Variants in THEMIS observed in about 807,000 individuals in gnomAD.
THEMIS encodes the protein thymocyte selection associated, also known as protein THEMIS.
A neutral mutation model predicts 52.6 loss-of-function variants in THEMIS; 37 were observed. That is an observed-to-expected ratio of 0.70 (90% CI 0.54 to 0.93). The LOEUF is 0.93. Ranked by LOEUF, THEMIS falls within the 40% of genes least tolerant of loss-of-function variation. The pLI, the probability that THEMIS is intolerant of heterozygous loss-of-function variation, is 0.00. For synonymous variants in THEMIS, 292 were observed against 272.7 expected (o/e 1.07, Z -0.70); for missense variants, 808 against 763.1 (o/e 1.06, Z -0.69).
rs111727278 is a variant in THEMIS, at chr6:127,899,903, T to TTATATA, written c.91+933_91+938dup. ...ACCTGCAAGTATGTGTGTGTATATT[T>TTATATA]TATATATATATATATATATATAATA... On this transcript the variant is annotated intron_variant, in intron 1 of 5. Coordinates refer to ENST00000368248, the MANE Select transcript of THEMIS (RefSeq NM_001010923.3). Among the ~76,000 whole-genome samples, 812 of 144,516 alleles carry TTATATA rather than the reference T, an allele frequency of 5.6e-3. 5 individuals are homozygous for TTATATA. The highest frequency in any genetic ancestry group is 0.019 in the African/African-American group (750 of 39,780). 94.8% of individuals were successfully genotyped at this position (144,516 alleles called of 152,430 possible). A position where few individuals can be genotyped will look rare whatever the true frequency, so the allele number is the denominator to read the frequency against.
At chr6:127,772,644 T>G (rs1193842611) in intron 4 of THEMIS, among the ~76,000 whole-genome samples, 1 of 152,096 alleles carries the variant, frequency 6.6e-6, no homozygotes, top group African/African-American at 2.4e-5. Context: ...CATATCTTCT[T>G]GTTTCTGTCT....
chr6:127,721,838 G>A (rs1774373133), intron 4 of THEMIS, among the ~76,000 whole-genome samples: 1 of 151,980 alleles, frequency 6.6e-6, no homozygotes, highest in African/African-American at 2.4e-5. Flanking sequence ...TCAGAACTGA[G>A]CAATGCAATA....
At chr6:127,746,573 T>C (rs1489319185) in intron 4 of THEMIS, among the ~76,000 whole-genome samples, 1 of 148,284 alleles carries the variant, frequency 6.7e-6, no homozygotes, top group Non-Finnish European at 1.5e-5. Context: ...TGCTAAAAGA[T>C]TTAACAAGGG....
chr6:127,795,623 C>T (rs528605604), intron 4 of THEMIS, among the ~76,000 whole-genome samples: 3 of 152,240 alleles, frequency 2.0e-5, no homozygotes, highest in East Asian at 1.9e-4. Flanking sequence ...CCACCGCGCC[C>T]GGCCACCAGA....
At chr6:127,764,069 A>G (rs752189742) in intron 4 of THEMIS, among the ~76,000 whole-genome samples, 5 of 152,014 alleles carry the variant, frequency 3.3e-5, no homozygotes, top group Non-Finnish European at 7.4e-5. Flanking sequence ...AAGTTTAGAA[A>G]GAAAGACACA....
intron 5 of THEMIS, among the ~76,000 whole-genome samples, chr6:127,711,654 A>C (rs1013682724): frequency 1.3e-5 from 2 of 152,022 alleles, no homozygotes; most frequent in African/African-American, 4.8e-5. Flanking sequence ...ATACTGTAGA[A>C]TATACATTTT....
chr6:127,710,943 TTCCCTCCC>T (rs368670307), intron 5 of THEMIS, among the ~76,000 whole-genome samples: 6 of 141,908 alleles, frequency 4.2e-5, no homozygotes, highest in African/African-American at 1.6e-4. Flanking sequence ...CCCTCCCTCC[TTCCCTCCC>T]TCCCTCCCTT....
At chr6:127,716,900 T>C (rs1354953484) in intron 5 of THEMIS, among the ~76,000 whole-genome samples, 3 of 151,856 alleles carry the variant, frequency 2.0e-5, no homozygotes, top group African/African-American at 7.3e-5. Context: ...CTCTGAGGAA[T>C]CAGTGACATC....
chr6:127,826,944 T>TA (rs1218087277), intron 3 of THEMIS, among the ~76,000 whole-genome samples: 1 of 152,130 alleles, frequency 6.6e-6, no homozygotes, highest in African/African-American at 2.4e-5. Context: ...TTTTTATTTT[T>TA]TTTTTGAAGC....
chr6:127,911,770 T>C (rs766125732), intron 1 of THEMIS, among the ~76,000 whole-genome samples: 25 of 151,370 alleles, frequency 1.7e-4, no homozygotes, highest in Non-Finnish European at 2.8e-4. Flanking sequence ...AAGTTTACCG[T>C]GGAGGCAGAA....
intron 2 of THEMIS, among the ~76,000 whole-genome samples, chr6:127,843,153 TTC>T (rs1779106047): frequency 6.6e-6 from 1 of 152,040 alleles, no homozygotes; most frequent in Non-Finnish European, 1.5e-5. Context: ...ATCTAAAAAT[TTC>T]TGTTTCCTCT....
intron 1 of THEMIS, among the ~76,000 whole-genome samples, chr6:127,886,789 G>T (rs1202607231): frequency 6.6e-6 from 1 of 152,046 alleles, no homozygotes; most frequent in African/African-American, 2.4e-5. Context: ...GCTCATGTTT[G>T]GTTTCTCCTG....
chr6:127,859,900 C>T (rs1466755935), intron 1 of THEMIS, among the ~76,000 whole-genome samples: 1 of 152,000 alleles, frequency 6.6e-6, no homozygotes, highest in Non-Finnish European at 1.5e-5. Context: ...TGCAACTTTG[C>T]TCATTATAAA....
upstream of THEMIS, among the ~76,000 whole-genome samples, chr6:127,902,332 A>AT (rs574575076): frequency 2.7e-5 from 4 of 149,684 alleles, no homozygotes; most frequent in Non-Finnish European, 6.0e-5. Context: ...CTCAAAAAAA[A>AT]AAAAAAAAAA....
At chr6:127,810,179 A>G (rs1777853566) in intron 4 of THEMIS, among the ~76,000 whole-genome samples, 1 of 152,034 alleles carries the variant, frequency 6.6e-6, no homozygotes, top group African/African-American at 2.4e-5. Context: ...CTGGCAAAGG[A>G]CAATTTTTAA....
At chr6:127,825,348 A>C (rs561451889) in intron 3 of THEMIS, among the ~76,000 whole-genome samples, 4 of 152,344 alleles carry the variant, frequency 2.6e-5, no homozygotes, top group African/African-American at 9.6e-5. Context: ...CATTACTGTG[A>C]AACTTCAGAA....
chr6:127,752,605 A>G (rs1775685623), intron 4 of THEMIS, among the ~76,000 whole-genome samples: 1 of 151,520 alleles, frequency 6.6e-6, no homozygotes, highest in Admixed American at 6.6e-5. Context: ...AGAAACATGC[A>G]AACTACCAAG....
downstream of THEMIS, among the ~76,000 whole-genome samples, chr6:127,704,630 G>A (rs1040598651): frequency 2.6e-5 from 4 of 152,162 alleles, no homozygotes. Flanking sequence ...GCCCTCTTGA[G>A]CTAGTTGCTA....
intron 4 of THEMIS, among the ~76,000 whole-genome samples, chr6:127,782,747 A>G (rs1776790882): frequency 6.6e-6 from 1 of 152,044 alleles, no homozygotes; most frequent in East Asian, 1.9e-4. Flanking sequence ...CTATTTGGCC[A>G]TACTCCACCT....
Sources: gnomAD v4.1 joint callset for allele counts (sites outside exome capture counted in the v4.1 genomes callset) on GRCh38, gnomAD v4.1.1 for gene constraint, MANE v1.5 for transcripts, NCBI Gene and HGNC (gene_info 2026-07-23, HGNC 2026-07-21) for gene names.